The following ACTR3C variants were observed in gnomAD, a reference collection of about 807,000 sequenced individuals.
ACTR3C encodes actin-related protein 3C.
In ACTR3C, 18 loss-of-function variants were observed where a neutral mutation model predicts 26.3. The ratio of observed to expected loss-of-function variants is 0.68; its 90% CI spans 0.47 to 1.01. The LOEUF (loss-of-function observed/expected upper bound fraction) is 1.01. Ranked by LOEUF, ACTR3C falls within the 50% of genes least tolerant of loss-of-function variation. The pLI is 0.00. For missense variants in ACTR3C, 184 were observed against 250.7 expected (o/e 0.73, Z 1.80); for synonymous variants, 55 against 94.5 (o/e 0.58, Z 2.42).
the ACTR3C span, among the ~76,000 whole-genome samples, chr7:150,013,459 T>G: frequency 0.03 from 3,837 of 130,046 alleles, no homozygotes; most frequent in African/African-American, 0.073. Context: ...TCAATACCTG[T>G]GATTCAGGAA....
chr7:150,005,652 TTCTTAGGGACCTTATCCTTTC>T, the ACTR3C span, among the ~76,000 whole-genome samples: 1 of 152,002 alleles, frequency 6.6e-6, no homozygotes. Context: ...AGGGGGCCCT[TTCTTAGGGACCTTATCCTTTC>T]TCTTAGGGAC....
the ACTR3C span, among the ~76,000 whole-genome samples, chr7:149,894,262 G>T: frequency 1.5e-4 from 23 of 152,220 alleles, no homozygotes; most frequent in South Asian, 6.2e-4. Context: ...ATGGATTAAA[G>T]ACTTCAATGT....
the ACTR3C span, among the ~76,000 whole-genome samples, chr7:150,224,112 A>G: frequency 2.0e-5 from 3 of 152,224 alleles, no homozygotes; most frequent in African/African-American, 7.2e-5. Context: ...GTATAACCTG[A>G]TCTTGGAAGT....
chr7:149,903,865 C>CGTTGTTGTT, the ACTR3C span, among the ~76,000 whole-genome samples: 94 of 50,634 alleles, frequency 1.9e-3, no homozygotes, highest in African/African-American at 3.0e-3. Flanking sequence ...AGTGTAAGGG[C>CGTTGTTGTT]GTTGTTGTTG....
the ACTR3C span, among the ~76,000 whole-genome samples, chr7:150,107,278 A>T: frequency 2.8e-3 from 425 of 150,920 alleles, 9 homozygotes; most frequent in African/African-American, 0.01. Flanking sequence ...TCAGCAGATC[A>T]TTCTCACACT....
the ACTR3C span, among the ~76,000 whole-genome samples, chr7:150,123,101 G>A: frequency 6.6e-6 from 1 of 151,560 alleles, no homozygotes; most frequent in Non-Finnish European, 1.5e-5. Context: ...GGGGACAAGG[G>A]GAGGGATAGC....
At chr7:150,175,870 AATCAGTTTTCAAACTCAGAGC>A in the ACTR3C span, among the ~76,000 whole-genome samples, 1 of 150,046 alleles carries the variant, frequency 6.7e-6, no homozygotes, top group Non-Finnish European at 1.5e-5. Flanking sequence ...AAGAAAAGAA[AATCAGTTTTCAAACTCAGAGC>A]TTCCTGGAGA....
At chr7:150,198,956 A>C in the ACTR3C span, among the ~76,000 whole-genome samples, 1 of 131,066 alleles carries the variant, frequency 7.6e-6, no homozygotes, top group Non-Finnish European at 1.6e-5. Flanking sequence ...CTGCCCGGCC[A>C]GCCGCCCCGT....
the ACTR3C span, among the ~76,000 whole-genome samples, chr7:150,006,342 A>G: frequency 2.5e-3 from 373 of 151,020 alleles, 1 homozygote; most frequent in Middle Eastern, 0.01. Context: ...GACTACAGGC[A>G]CCCGCCACCA....
chr7:150,271,117 G>C (rs1049020664), intron 6 of ACTR3C, among the ~76,000 whole-genome samples: 1 of 137,636 alleles, frequency 7.3e-6, no homozygotes, highest in East Asian at 2.0e-4. Context: ...TCTCCTAATA[G>C]AGCAAAAAGT....
the ACTR3C span, among the ~76,000 whole-genome samples, chr7:150,037,817 C>A: frequency 1.2e-4 from 8 of 64,132 alleles, 3 homozygotes; most frequent in Non-Finnish European, 2.8e-4. Flanking sequence ...GGAAGAGGGA[C>A]TGGCACTCAG....
chr7:150,117,187 G>GTT, the ACTR3C span, among the ~76,000 whole-genome samples: 1 of 152,164 alleles, frequency 6.6e-6, no homozygotes, highest in Admixed American at 6.5e-5. Context: ...AGCTGGAGGA[G>GTT]TTTTTTATCA....
chr7:149,993,414 A>G, the ACTR3C span, among the ~76,000 whole-genome samples: 7 of 152,282 alleles, frequency 4.6e-5, no homozygotes, highest in East Asian at 9.6e-4. Context: ...CCTATACTCA[A>G]TGAGGCCCTC....
chr7:150,045,048 T>C, the ACTR3C span: 1 of 152,200 alleles, frequency 6.6e-6, no homozygotes, highest in African/African-American at 2.4e-5. Flanking sequence ...GTCTTGAGGT[T>C]GTCAGCAGGT....
chr7:149,904,459 A>G, the ACTR3C span, among the ~76,000 whole-genome samples: 6 of 150,666 alleles, frequency 4.0e-5, no homozygotes, highest in East Asian at 1.2e-3. Context: ...TGAACCCGGG[A>G]GGCAGAGGTT....
At chr7:150,218,339 A>T in the ACTR3C span, among the ~76,000 whole-genome samples, 1 of 152,172 alleles carries the variant, frequency 6.6e-6, no homozygotes, top group Admixed American at 6.5e-5. Context: ...GCAAACAACA[A>T]CTTAAGTGTG....
At chr7:150,231,543 A>T in the ACTR3C span, among the ~76,000 whole-genome samples, 1 of 150,670 alleles carries the variant, frequency 6.6e-6, no homozygotes, top group Non-Finnish European at 1.5e-5. Context: ...AAATGGTGGC[A>T]TGATGCATCT....
chr7:150,279,838 T>C (rs1563173602), intron 6 of ACTR3C, among the ~76,000 whole-genome samples: 2 of 152,228 alleles, frequency 1.3e-5, no homozygotes, highest in African/African-American at 2.4e-5. Flanking sequence ...ATTTAGCTTG[T>C]AGTGGTTCCC....
chr7:150,069,642 TTGG>T, the ACTR3C span, among the ~76,000 whole-genome samples: 2 of 152,108 alleles, frequency 1.3e-5, no homozygotes, highest in Admixed American at 6.5e-5. Context: ...ATGTGAGCTC[TTGG>T]TGGGCTGAGC....
Sources: allele counts gnomAD v4.1 joint callset (sites outside exome capture counted in the v4.1 genomes callset), GRCh38; gene constraint gnomAD v4.1.1; transcripts MANE v1.5; gene names NCBI Gene and HGNC (gene_info 2026-07-23, HGNC 2026-07-21).